The following MRPS6 variants were observed in gnomAD, a reference collection of about 807,000 sequenced individuals.
The protein encoded by MRPS6 is small ribosomal subunit protein bS6m.
A neutral mutation model predicts 13.1 loss-of-function variants in MRPS6; 6 were observed. The ratio of observed to expected loss-of-function variants is 0.46; its 90% confidence interval spans 0.25 to 0.91. MRPS6 has a LOEUF of 0.91. Ranked by LOEUF, MRPS6 falls within the 40% of genes least tolerant of loss-of-function variation. MRPS6 has a pLI of 0.18. For synonymous variants in MRPS6, 61 were observed against 56.5 expected (o/e 1.08, Z -0.36); for missense variants, 164 against 155.6 (o/e 1.05, Z -0.29).
chr21:34,080,366 A>C (rs1018841322), intron 1 of MRPS6, among the ~76,000 whole-genome samples: 1 of 152,026 alleles, frequency 6.6e-6, no homozygotes, highest in Non-Finnish European at 1.5e-5. Context: ...CTCATCTTTC[A>C]GTTTTTTTCC....
intron 1 of MRPS6, among the ~76,000 whole-genome samples, chr21:34,109,637 T>C (rs1415836263): frequency 6.6e-6 from 1 of 152,206 alleles, no homozygotes; most frequent in African/African-American, 2.4e-5. Flanking sequence ...CCTTAAACTT[T>C]TGACCAATTG....
At chr21:34,141,160 C>G (rs1389529230) in intron 2 of MRPS6, among the ~76,000 whole-genome samples, 4 of 152,222 alleles carry the variant, frequency 2.6e-5, no homozygotes, top group African/African-American at 9.6e-5. Context: ...AAGATTTACT[C>G]TGGACCTGCT....
intron 1 of MRPS6, chr21:34,123,600 G>T (rs528787444): frequency 6.6e-6 from 1 of 151,726 alleles, no homozygotes; most frequent in Admixed American, 6.6e-5. Flanking sequence ...AGACCATATA[G>T]TAGTTATCCA....
chr21:34,121,437 G>A (rs1416524049), intron 1 of MRPS6, among the ~76,000 whole-genome samples: 3 of 152,084 alleles, frequency 2.0e-5, no homozygotes, highest in Admixed American at 6.5e-5. Flanking sequence ...AATGAGCTAG[G>A]ACTAGAATCA....
At chr21:34,106,652 G>T (rs1014149626) in intron 1 of MRPS6, among the ~76,000 whole-genome samples, 3 of 152,152 alleles carry the variant, frequency 2.0e-5, no homozygotes, top group Non-Finnish European at 2.9e-5. Context: ...TATTTTTTCT[G>T]AACCATTTGA....
intron 1 of MRPS6, chr21:34,097,450 C>T (rs568110179): frequency 2.3e-5 from 34 of 1,480,150 alleles, no homozygotes; most frequent in African/African-American, 9.9e-5. Context: ...GCATTGTTTA[C>T]GCTGTAGGTT....
intron 1 of MRPS6, among the ~76,000 whole-genome samples, chr21:34,087,665 A>G (rs1459770276): frequency 6.6e-6 from 1 of 152,208 alleles, no homozygotes; most frequent in Non-Finnish European, 1.5e-5. Flanking sequence ...GGGGTTACAA[A>G]GTGTTGCCTG....
At chr21:34,102,311 C>G in intron 1 of MRPS6, 1 of 998,132 alleles carries the variant, frequency 1.0e-6, no homozygotes, top group Non-Finnish European at 1.2e-6. Flanking sequence ...CTCTTCAATG[C>G]TGAGAATAAG....
intron 1 of MRPS6, chr21:34,122,721 T>C (rs938065000): frequency 6.6e-6 from 1 of 152,094 alleles, no homozygotes; most frequent in African/African-American, 2.4e-5. Flanking sequence ...TTTTTCCTTT[T>C]TTTTTTTGAG....
At chr21:34,107,631 G>A (rs1407800201) in intron 1 of MRPS6, among the ~76,000 whole-genome samples, 2 of 151,808 alleles carry the variant, frequency 1.3e-5, no homozygotes, top group Non-Finnish European at 2.9e-5. Flanking sequence ...GCCTTTTTTT[G>A]ATGGGGAGGA....
chr21:34,082,137 C>G (rs1425150016), intron 1 of MRPS6, among the ~76,000 whole-genome samples: 1 of 151,304 alleles, frequency 6.6e-6, no homozygotes, highest in East Asian at 1.9e-4. Context: ...GTTAGGTTGG[C>G]TCTCATTTTG....
At chr21:34,110,660 A>T (rs1239815602) in intron 1 of MRPS6, among the ~76,000 whole-genome samples, 1 of 152,222 alleles carries the variant, frequency 6.6e-6, no homozygotes, top group Non-Finnish European at 1.5e-5. Flanking sequence ...CAAACACTGC[A>T]TGAGTGAATT....
intron 1 of MRPS6, among the ~76,000 whole-genome samples, chr21:34,117,288 C>T (rs1199703613): frequency 1.3e-5 from 2 of 152,088 alleles, no homozygotes; most frequent in East Asian, 1.9e-4. Context: ...CCCTTCCTTT[C>T]GTCTGCTGTT....
At chr21:34,074,839 T>G (rs1989287411) in intron 1 of MRPS6, among the ~76,000 whole-genome samples, 1 of 152,160 alleles carries the variant, frequency 6.6e-6, no homozygotes, top group Non-Finnish European at 1.5e-5. Flanking sequence ...GAACTTAAGC[T>G]CAATTGATAA....
At chr21:34,128,181 C>G (rs1980375936) in intron 2 of MRPS6, among the ~76,000 whole-genome samples, 1 of 152,182 alleles carries the variant, frequency 6.6e-6, no homozygotes, top group Non-Finnish European at 1.5e-5. Context: ...AAGGAGTTTT[C>G]AGTCTAATCA....
At chr21:34,117,927 C>T (rs185887023) in intron 1 of MRPS6, among the ~76,000 whole-genome samples, 92 of 152,226 alleles carry the variant, frequency 6.0e-4, no homozygotes, top group African/African-American at 2.1e-3. Flanking sequence ...ACCATATTCA[C>T]GAGTGCTTTT....
chr21:34,107,124 G>A (rs536766163), intron 1 of MRPS6, among the ~76,000 whole-genome samples: 4 of 152,288 alleles, frequency 2.6e-5, no homozygotes, highest in Non-Finnish European at 4.4e-5. Context: ...TAGAGATATG[G>A]TTTTGCCATG....
rs190738029 is a variant in MRPS6, at chr21:34,097,617, C to T, written c.45+23872C>T. 2.2e-3 allele frequency: 2,593 copies of T among 1,189,548 alleles called. 4 individuals are homozygous for T. Among genetic ancestry groups the T allele is most frequent in the Non-Finnish European group, 2.6e-3 (2,467 of 949,794 alleles). 73.7% of individuals were successfully genotyped at this position (1,189,548 alleles called of 1,614,324 possible). A position where few individuals can be genotyped will look rare whatever the true frequency, so the allele number is the denominator to read the frequency against. On this transcript the variant is annotated intron_variant, in intron 1 of 2. Transcript: ENST00000399312. ...TTTTGCATACCAAAGTAAGAAGAGA[C>T]CAATTATTCTCACAGAGCACTTAGA...
chr21:34,103,146 G>T (rs1979321984), intron 1 of MRPS6: 1 of 999,698 alleles, frequency 1.0e-6, no homozygotes, highest in Non-Finnish European at 1.2e-6. Context: ...AACTGGCAAA[G>T]GCCAGTATAT....
Sources: allele counts gnomAD v4.1 joint callset (sites outside exome capture counted in the v4.1 genomes callset), GRCh38; gene constraint gnomAD v4.1.1; transcripts MANE v1.5; gene names NCBI Gene and HGNC (gene_info 2026-07-23, HGNC 2026-07-21).